PRIMPOL: variants seen among roughly 807,000 people sequenced by gnomAD.
PRIMPOL encodes primase and DNA directed polymerase, also known as DNA-directed primase/polymerase protein.
PRIMPOL carries 54 observed loss-of-function variants against 63.6 expected under a neutral mutation model. The observed-to-expected ratio is 0.85, with a 90% CI of 0.68 to 1.07. The LOEUF (loss-of-function observed/expected upper bound fraction) is 1.07, where lower values mean the gene tolerates loss of function less well. Ranked by LOEUF, PRIMPOL falls within the 50% of genes least tolerant of loss-of-function variation. The probability of loss-of-function intolerance (pLI) is 0.00; values close to 1 mark genes in which losing one functional copy is unlikely to be tolerated. For synonymous variants in PRIMPOL, 197 were observed against 220.2 expected, an observed-to-expected ratio of 0.89 and a Z score of 0.93; for missense variants, 610 against 648.3, an observed-to-expected ratio of 0.94 and a Z score of 0.64.
intron 13 of PRIMPOL, among the ~76,000 whole-genome samples, chr4:184,693,841 G>A (rs138505437): frequency 4.6e-5 from 7 of 151,858 alleles, no homozygotes; most frequent in African/African-American, 1.2e-4. Context: ...AAGACATTCT[G>A]TAGCTTTTTT....
chr4:184,667,847 C>T (rs1169633419), intron 6 of PRIMPOL, among the ~76,000 whole-genome samples: 1 of 152,136 alleles, frequency 6.6e-6, no homozygotes, highest in African/African-American at 2.4e-5. Context: ...CAATAACAAA[C>T]TTTCTTCCTT....
Position 184,650,222 on chromosome 4 carries a change from C to A in PRIMPOL, c.-138+314C>A, listed in dbSNP as rs1240289960. Among the ~76,000 whole-genome samples, 5 of 152,310 alleles carry A rather than the reference C, an allele frequency of 3.3e-5. No homozygotes were observed. The East Asian group carries it at 9.6e-4, about 29-fold the overall frequency. ...GTACTTAATCCACATATAAATGTTA[C>A]AAGTTAAGCATCCCACAACAAAGTA... On this transcript the variant is annotated intron_variant, in intron 1 of 13. Transcript: ENST00000314970.
chr4:184,666,728 C>T (rs182827155), intron 6 of PRIMPOL, among the ~76,000 whole-genome samples: 113 of 152,288 alleles, frequency 7.4e-4, no homozygotes, highest in East Asian at 1.3e-3. Flanking sequence ...ACCTTTGCTT[C>T]GGCCTTGCTT....
chr4:184,659,890 G>A (rs948022277), intron 4 of PRIMPOL, among the ~76,000 whole-genome samples: 3 of 151,772 alleles, frequency 2.0e-5, no homozygotes, highest in Non-Finnish European at 2.9e-5. Context: ...CCATGGTCTC[G>A]GCTCACTGCA....
chr4:184,667,445 A>G lies in PRIMPOL; in HGVS notation c.556+1381A>G, dbSNP rs189160160. On this transcript the variant is annotated intron_variant, in intron 6 of 13. Transcript: ENST00000314970. ...CCTGCCTCAGCCTCCCGAGTAGCTGAGACTACAGGCGTGTGCCACCATGCC... is the reference window on the plus strand; with the variant it reads ...CCTGCCTCAGCCTCCCGAGTAGCTGGGACTACAGGCGTGTGCCACCATGCC... Among the ~76,000 whole-genome samples, 188 of 151,370 alleles carry G rather than the reference A, an allele frequency of 1.2e-3. 1 individual carries two copies. Among genetic ancestry groups the G allele is most frequent in the African/African-American group, 3.6e-3 (149 of 41,440 alleles).
chr4:184,660,196 AT>A (rs1008092414), intron 4 of PRIMPOL, among the ~76,000 whole-genome samples: 2 of 149,344 alleles, frequency 1.3e-5, no homozygotes, highest in South Asian at 2.1e-4. Flanking sequence ...AATTTAAAAA[AT>A]TTTTTTTGAG....
At chr4:184,690,445 TTTTA>T (rs1244309028) in intron 11 of PRIMPOL, among the ~76,000 whole-genome samples, 23 of 152,142 alleles carry the variant, frequency 1.5e-4, no homozygotes, top group Admixed American at 5.9e-4. Context: ...ACTGCCTGCC[TTTTA>T]TTTATTTATT....
chr4:184,677,487 A>T (rs1026299043), intron 7 of PRIMPOL, among the ~76,000 whole-genome samples: 2 of 151,428 alleles, frequency 1.3e-5, no homozygotes, highest in African/African-American at 4.9e-5. Context: ...TGTTCTATTG[A>T]TCTATTCCTG....
At position 184,691,651 on chromosome 4, in the gene PRIMPOL, A is replaced by C. The variant is rs780814114; in HGVS notation, c.1379-15A>C. The C allele has an allele frequency of 1.2e-6, 2 of 1,610,438 alleles. No homozygotes were observed. Among genetic ancestry groups the C allele is most frequent in the Non-Finnish European group, 1.7e-6 (2 of 1,176,892 alleles). ...AACTGTAATATGTAATAGTTTTGCT[A>C]TCTTTCTGATTCAGGTTTCCCATTA... On this transcript the variant is annotated splice_polypyrimidine_tract_variant and intron_variant, in intron 12 of 13. Coordinates refer to ENST00000314970, the MANE Select transcript of PRIMPOL (RefSeq NM_152683.4).
intron 13 of PRIMPOL, among the ~76,000 whole-genome samples, chr4:184,692,007 AT>A (rs1264564143): frequency 6.6e-6 from 1 of 150,598 alleles, no homozygotes; most frequent in Non-Finnish European, 1.5e-5. Context: ...CCATCTTTGT[AT>A]TTCTTTGAAC....
intron 6 of PRIMPOL, among the ~76,000 whole-genome samples, chr4:184,671,242 C>T (rs1300005608): frequency 2.0e-5 from 3 of 152,014 alleles, no homozygotes; most frequent in East Asian, 3.8e-4. Flanking sequence ...CATCGTGTGC[C>T]CAGTTTGAGG....
intron 1 of PRIMPOL, among the ~76,000 whole-genome samples, chr4:184,650,794 C>A (rs549244966): frequency 6.6e-6 from 1 of 152,312 alleles, no homozygotes; most frequent in Admixed American, 6.5e-5. Flanking sequence ...GAGCCTGTTT[C>A]TAACACTTGC....
intron 8 of PRIMPOL, among the ~76,000 whole-genome samples, chr4:184,680,074 G>A (rs1755200955): frequency 6.6e-6 from 1 of 152,192 alleles, no homozygotes; most frequent in South Asian, 2.1e-4. Flanking sequence ...GGACTTAACT[G>A]TATTTGCCTT....
At chr4:184,670,309 G>C (rs1751228230) in intron 6 of PRIMPOL, among the ~76,000 whole-genome samples, 1 of 152,154 alleles carries the variant, frequency 6.6e-6, no homozygotes, top group East Asian at 1.9e-4. Flanking sequence ...CTGGGGTCAA[G>C]TAGCTGCAAT....
At chr4:184,655,240 C>G (rs1746008444) in intron 2 of PRIMPOL, among the ~76,000 whole-genome samples, 1 of 151,326 alleles carries the variant, frequency 6.6e-6, no homozygotes, top group South Asian at 2.1e-4. Context: ...GAACTCCTGA[C>G]CTCAGGTAAT....
chr4:184,678,048 G>A (rs559393646), intron 7 of PRIMPOL, among the ~76,000 whole-genome samples, 184 bp from the exon 8 acceptor site: 26 of 152,218 alleles, frequency 1.7e-4, no homozygotes, highest in Middle Eastern at 3.4e-3. Context: ...TCAGAATGTG[G>A]CATTCCTCCA....
intron 6 of PRIMPOL, among the ~76,000 whole-genome samples, chr4:184,667,517 A>G (rs114131555): frequency 0.045 from 6,854 of 152,160 alleles, 179 homozygotes; most frequent in African/African-American, 0.068. Flanking sequence ...TCACCAGGTT[A>G]GCCAGGATGG....
intron 13 of PRIMPOL, among the ~76,000 whole-genome samples, chr4:184,692,711 C>T (rs1220318120): frequency 6.6e-6 from 1 of 151,838 alleles, no homozygotes; most frequent in South Asian, 2.1e-4. Context: ...TCAAATTGCT[C>T]TCCATAAAAA....
intron 8 of PRIMPOL, 117 bp from the exon 9 acceptor site, chr4:184,682,131 C>T: frequency 1.8e-6 from 1 of 552,348 alleles, no homozygotes; most frequent in South Asian, 2.8e-5. Flanking sequence ...GAACAATTAT[C>T]TGCTGAACAA....
Sources: gnomAD v4.1 joint callset for allele counts (sites outside exome capture counted in the v4.1 genomes callset) on GRCh38, gnomAD v4.1.1 for gene constraint, MANE v1.5 for transcripts, NCBI Gene and HGNC (gene_info 2026-07-23, HGNC 2026-07-21) for gene names.